The following PEX10 variants were observed in gnomAD, a reference collection of about 807,000 sequenced individuals.
The protein encoded by PEX10 is peroxisome biogenesis factor 10.
Under a neutral mutation model 38.0 loss-of-function variants are expected in PEX10, and 32 were observed. That is an observed-to-expected ratio of 0.84 (90% CI 0.63 to 1.13). PEX10 has a LOEUF of 1.13. PEX10 is among the 50% of genes most tolerant of loss of function. PEX10 has a pLI of 0.00. For missense variants in PEX10, 483 were observed against 457.7 expected, an observed-to-expected ratio of 1.06 and a Z score of -0.51; for synonymous variants, 206 against 207.3, an observed-to-expected ratio of 0.99 and a Z score of 0.05.
rs539298450 is a variant in PEX10 at position 2,412,019 on chromosome 1, G to A, written c.112+372C>T. 5.0e-4 allele frequency among the ~76,000 whole-genome samples: 76 copies of A among 152,366 alleles called. No individual in the cohort carries two copies. In the South Asian group the frequency reaches 0.013, roughly 27 times the overall value. ...GCGCTCTGACCCCTCTGCTCACAGG[G>A]GAGGATCGGAGGGAGGCTTGAAGCA... On this transcript the variant is annotated intron_variant, in intron 1 of 5. Coordinates refer to ENST00000447513, the MANE Select transcript of PEX10 (RefSeq NM_002617.4).
rs1234782003 is a variant in PEX10, at chr1:2,404,401, T to C, written c.*1365A>G. Reference sequence around the variant, plus strand: ...GGACAGGAGTGTTTGTCATTTTTCATACTGTTTTCTTAATAAGCGCTCAGG... The same window carrying C: ...GGACAGGAGTGTTTGTCATTTTTCACACTGTTTTCTTAATAAGCGCTCAGG... On this transcript the variant is annotated 3_prime_UTR_variant, in exon 6 of 6. Coordinates refer to ENST00000447513, the MANE Select transcript of PEX10 (RefSeq NM_002617.4). 13 of 152,294 alleles carry C rather than the reference T, an allele frequency of 8.5e-5. No homozygotes were observed. Among genetic ancestry groups the C allele is most frequent in the Admixed American group, 7.9e-4 (12 of 15,286 alleles). The allele number at this position is 152,294 out of a possible 1,614,324, so 9.4% of individuals were successfully genotyped here.
At chr1:2,412,112 C>T (rs1421835822) in intron 1 of PEX10, among the ~76,000 whole-genome samples, 1 of 152,262 alleles carries the variant, frequency 6.6e-6, no homozygotes, top group Admixed American at 6.5e-5. Context: ...TGGACCTGCC[C>T]TGAGCTGGGG....
intron 3 of PEX10, among the ~76,000 whole-genome samples, chr1:2,408,189 G>C (rs1643071409): frequency 6.6e-6 from 1 of 152,172 alleles, no homozygotes; most frequent in African/African-American, 2.4e-5. Flanking sequence ...CTAAGCGCAG[G>C]GCCCGGTGTC....
At chr1:2,408,156 G>A (rs191854937) in intron 3 of PEX10, among the ~76,000 whole-genome samples, 3 of 152,294 alleles carry the variant, frequency 2.0e-5, no homozygotes, top group East Asian at 1.9e-4. Context: ...GGCGTGACCC[G>A]GGGCCCCCCG....
In PEX10 at chr1:2,408,845, C is replaced by A. The variant is rs1321969110; in HGVS notation, c.207G>T (p.Leu69=). ...GLTTLAGYQT[L]GEEYVSIIQV... ...GGATGATGCTGACGTACTCCTCCCC[C>A]AGGGTCTGGTAGCCTGCGAGGAAGA... The change falls in exon 3 of 6, where the codon CTG becomes CTT. Residue 69 remains leucine, a synonymous_variant. Coordinates refer to ENST00000447513, the MANE Select transcript of PEX10 (RefSeq NM_002617.4). 8 of 1,613,916 alleles carry A rather than the reference C, an allele frequency of 5.0e-6. No individual in the cohort carries two copies. Among genetic ancestry groups the A allele is most frequent in the Non-Finnish European group, 4.2e-6 (5 of 1,179,936 alleles).
rs755971878 is a variant in PEX10 at position 2,412,375 on chromosome 1, C to T, written c.112+16G>A. The T allele has an allele frequency of 5.9e-6, 8 of 1,360,192 alleles. No homozygotes were observed. Among genetic ancestry groups the T allele is most frequent in the Non-Finnish European group, 7.5e-6 (8 of 1,062,756 alleles). The allele number at this position is 1,360,192 out of a possible 1,614,324, so 84.3% of individuals were successfully genotyped here. The stretch of plus-strand genomic sequence containing the variant: ...TGGGCCGCTCGCGAGGACGTCCGGC[C>T]GCGCCCGGCCCTCACCCGCCAGGCT... On this transcript the variant is annotated intron_variant, in intron 1 of 5. Coordinates refer to ENST00000447513, the MANE Select transcript of PEX10 (RefSeq NM_002617.4).
rs2100418787 is a variant in PEX10, at chr1:2,405,754, C to T, written c.*12G>A. On this transcript the variant is annotated 3_prime_UTR_variant, in exon 6 of 6. Coordinates refer to ENST00000447513, the MANE Select transcript of PEX10 (RefSeq NM_002617.4). ...AGAGGTCATCTGTGTCCAGGCCCAC[C>T]CGGGCGCCGGCTCAGCGGTAGTGCC... The T allele has an allele frequency of 6.3e-7, 1 of 1,594,686 alleles. No homozygotes were observed. The highest frequency in any genetic ancestry group is 1.3e-5 in the African/African-American group (1 of 74,542).
At chr1:2,413,210 G>C (rs1643340898), upstream of PEX10, among the ~76,000 whole-genome samples, 1 of 152,212 alleles carries the variant, frequency 6.6e-6, no homozygotes, top group Non-Finnish European at 1.5e-5. Flanking sequence ...CCCCCCTGGT[G>C]CCCACGGGAG....
In PEX10 at chr1:2,406,796, G is replaced by A; in HGVS notation, c.700C>T (p.Leu234=). The A allele has an allele frequency of 1.2e-6, 2 of 1,610,870 alleles. No homozygotes were observed. The highest frequency in any genetic ancestry group is 1.7e-6 in the Non-Finnish European group (2 of 1,179,010). ...SLLHLVLSMG[L]QLYGFRQRQR... ...CGCTGCCTGAAACCGTACAGCTGCA[G>A]CCCCATGGACAGCACCAGGTGCAGC... Residue 234 remains leucine, a synonymous_variant, in exon 4 of 6, where the codon CTG becomes TTG. Coordinates refer to ENST00000447513, the MANE Select transcript of PEX10 (RefSeq NM_002617.4).
rs766506813 is a variant in PEX10, at chr1:2,408,680, C to G, written c.372G>C (p.Gly124=). 6.2e-7 allele frequency: 1 copy of G among 1,612,708 alleles called. No individual in the cohort carries two copies. Among genetic ancestry groups the G allele is most frequent in the Admixed American group, 1.7e-5 (1 of 59,928 alleles). The change falls in exon 3 of 6, where the codon GGG becomes GGC. Residue 124 remains glycine (G), a synonymous_variant. Coordinates refer to ENST00000447513, the MANE Select transcript of PEX10 (RefSeq NM_002617.4). The part of the protein sequence containing the change: ...EQELQADPDS[G]RPLQGSLGPG... Reference sequence around the variant, plus strand: ...GCCCCAGGCTCCCCTGCAAGGGTCGCCCACTGTCGGGGTCAGCCTGCAGCT... The same window carrying G: ...GCCCCAGGCTCCCCTGCAAGGGTCGGCCACTGTCGGGGTCAGCCTGCAGCT...
upstream of PEX10, among the ~76,000 whole-genome samples, chr1:2,413,232 C>A (rs913622490): frequency 6.6e-6 from 1 of 152,168 alleles, no homozygotes; most frequent in African/African-American, 2.4e-5. Flanking sequence ...CAGGGCCTGG[C>A]GGGTGGGGGG....
chr1:2,408,984 A>T lies in PEX10; in HGVS notation c.194-126T>A, dbSNP rs901904595. The T allele has an allele frequency of 4.3e-6, 4 of 923,198 alleles. No homozygotes were observed. In the African/African-American group the frequency reaches 6.5e-5, roughly 15 times the overall value. 57.2% of individuals were successfully genotyped at this position (923,198 alleles called of 1,614,324 possible). ...GCCCCATCTTGTCGCCCTTGAGCCC[A>T]CTGTCACCCCGTGCTGGCTGAGGCC... On this transcript the variant is annotated intron_variant, in intron 2 of 5. Coordinates refer to ENST00000447513, the MANE Select transcript of PEX10 (RefSeq NM_002617.4).
At position 2,405,626 on chromosome 1, in the gene PEX10, G is replaced by T; in HGVS notation, c.*140C>A. On this transcript the variant is annotated 3_prime_UTR_variant, in exon 6 of 6. Coordinates refer to ENST00000447513, the MANE Select transcript of PEX10 (RefSeq NM_002617.4). ...GGGACAGCTTTCTGTTCTCTCCCAG[G>T]GTGGCTAGGTTAGTATCTTACATGA... 1.2e-6 allele frequency: 1 copy of T among 801,898 alleles called. No homozygotes were observed. Among genetic ancestry groups the T allele is most frequent in the South Asian group, 1.5e-5 (1 of 68,698 alleles). The allele number at this position is 801,898 out of a possible 1,614,324, so 49.7% of individuals were successfully genotyped here. A position where few individuals can be genotyped will look rare whatever the true frequency, so the allele number is the denominator to read the frequency against.
chr1:2,405,881 A>AT, intron 5 of PEX10, 47 bp from the exon 6 acceptor site: 1 of 1,429,790 alleles, frequency 7.0e-7, no homozygotes, highest in Non-Finnish European at 9.7e-7. Flanking sequence ...CCACTGGGCC[A>AT]TGCCCATCCC....
In PEX10 at chr1:2,404,666, C is replaced by G. The variant is rs1056382049; in HGVS notation, c.*1100G>C. ...CCTCATTCCTAAGTAAGTCAAACAGCAAGACATGGTTTGCGCGGGTCTTTG... is the reference window on the plus strand; with the variant it reads ...CCTCATTCCTAAGTAAGTCAAACAGGAAGACATGGTTTGCGCGGGTCTTTG... On this transcript the variant is annotated 3_prime_UTR_variant, in exon 6 of 6. Coordinates refer to ENST00000447513, the MANE Select transcript of PEX10 (RefSeq NM_002617.4). 6.6e-6 allele frequency: 1 copy of G among 152,266 alleles called. No homozygotes were observed. The highest frequency in any genetic ancestry group is 2.4e-5 in the African/African-American group (1 of 41,472). 9.4% of individuals were successfully genotyped at this position (152,266 alleles called of 1,614,324 possible). A position where few individuals can be genotyped will look rare whatever the true frequency, so the allele number is the denominator to read the frequency against.
rs778438020 is a variant in PEX10 at position 2,406,466 on chromosome 1, A to G, written c.912+18T>C. ...CAGCCGCTGACCACCCCAGGACGGCAGCAGGCTCCCACCTCACCTTGCTGC... is the reference window on the plus strand; with the variant it reads ...CAGCCGCTGACCACCCCAGGACGGCGGCAGGCTCCCACCTCACCTTGCTGC... On this transcript the variant is annotated intron_variant, in intron 5 of 5. Coordinates refer to ENST00000447513, the MANE Select transcript of PEX10 (RefSeq NM_002617.4). 33 of 1,609,876 alleles carry G rather than the reference A, an allele frequency of 2.0e-5. No homozygotes were observed. The Middle Eastern group carries it at 5.9e-4, about 29-fold the overall frequency.
In PEX10 at chr1:2,405,491, C is replaced by G. The variant is rs555410374; in HGVS notation, c.*275G>C. On this transcript the variant is annotated 3_prime_UTR_variant, in exon 6 of 6. Coordinates refer to ENST00000447513, the MANE Select transcript of PEX10 (RefSeq NM_002617.4). ...TGGGGAAGGGAGGGAAACCTAAAAT[C>G]CCGTCCAAATAAGTGAAATTCCTGA... The G allele has an allele frequency of 1.7e-6, 1 of 575,326 alleles. No individual in the cohort carries two copies. The highest frequency in any genetic ancestry group is 3.1e-6 in the Non-Finnish European group (1 of 317,568). 35.6% of individuals were successfully genotyped at this position (575,326 alleles called of 1,614,324 possible).
upstream of PEX10, chr1:2,412,695 G>T (rs1316545175): frequency 2.1e-5 from 8 of 372,194 alleles, no homozygotes; most frequent in Non-Finnish European, 2.8e-5. Context: ...CCGAACCAGC[G>T]CAGCGCGGGG....
At chr1:2,408,332 G>T in intron 3 of PEX10, 120 bp downstream of exon 3, 2 of 1,095,380 alleles carry the variant, frequency 1.8e-6, no homozygotes, top group Non-Finnish European at 2.8e-6. Context: ...TGACACAGAT[G>T]CTGGATGTAG....
Sources: allele counts gnomAD v4.1 joint callset (sites outside exome capture counted in the v4.1 genomes callset), GRCh38; gene constraint gnomAD v4.1.1; transcripts MANE v1.5; gene names NCBI Gene and HGNC (gene_info 2026-07-23, HGNC 2026-07-21).